Variants in PIBF1 observed in about 807,000 individuals in gnomAD.
PIBF1 encodes the protein progesterone-induced-blocking factor 1.
A neutral mutation model predicts 112.5 loss-of-function variants in PIBF1; 90 were observed. The ratio of observed to expected loss-of-function variants is 0.80; its 90% CI spans 0.67 to 0.95. The LOEUF (loss-of-function observed/expected upper bound fraction) is 0.95, where lower values mean the gene tolerates loss of function less well. PIBF1 is among the 40% of genes least tolerant of loss of function. PIBF1 has a pLI of 0.00. For missense variants in PIBF1, 915 were observed against 852.3 expected, an observed-to-expected ratio of 1.07 and a Z score of -0.92; for synonymous variants, 301 against 288.6, an observed-to-expected ratio of 1.04 and a Z score of -0.44.
At chr13:73,015,250 C>A (rs1314161471) in intron 17 of PIBF1, among the ~76,000 whole-genome samples, 1 of 152,166 alleles carries the variant, frequency 6.6e-6, no homozygotes, top group Non-Finnish European at 1.5e-5. Context: ...CCTCAACCTC[C>A]CAAAGTCCTG....
At position 73,015,979 on chromosome 13, in the gene PIBF1, G is replaced by A; in HGVS notation, c.*60G>A. The A allele has an allele frequency of 9.8e-7, 1 of 1,020,744 alleles. No individual in the cohort carries two copies. The highest frequency in any genetic ancestry group is 2.1e-5 in the South Asian group (1 of 47,916). The allele number at this position is 1,020,744 out of a possible 1,614,324, so 63.2% of individuals were successfully genotyped here. On this transcript the variant is annotated 3_prime_UTR_variant, in exon 18 of 18. Transcript: ENST00000326291. ...TACTCCTGAAGTTCTTTTTCTGATG[G>A]AAAACAAAATTCAGCTTAATCGTGT...
At chr13:72,901,667 AAGAGCG>A (rs1249862269) in intron 11 of PIBF1, among the ~76,000 whole-genome samples, 5 of 151,822 alleles carry the variant, frequency 3.3e-5, no homozygotes, top group Admixed American at 3.3e-4. Flanking sequence ...CCTGGGTGAC[AAGAGCG>A]AGACTCCTTC....
At chr13:72,802,111 G>GT (rs35299288) in intron 5 of PIBF1, among the ~76,000 whole-genome samples, 263 of 152,244 alleles carry the variant, frequency 1.7e-3, no homozygotes, top group Middle Eastern at 0.017. Context: ...CCAGTCAACA[G>GT]TAGGCTATCT....
chr13:73,001,582 CT>C (rs10645002), intron 17 of PIBF1, among the ~76,000 whole-genome samples: 5 of 29,172 alleles, frequency 1.7e-4, no homozygotes, highest in Non-Finnish European at 3.7e-4. Context: ...AAGAGCTTGA[CT>C]TTTTTTTTTT....
intron 16 of PIBF1, among the ~76,000 whole-genome samples, chr13:72,978,288 A>G (rs549010701): frequency 1.8e-4 from 28 of 152,364 alleles, no homozygotes; most frequent in Admixed American, 1.7e-3. Context: ...CATAAATGAC[A>G]TAATCTAATC....
chr13:72,844,347 T>C (rs1566347541), intron 9 of PIBF1, among the ~76,000 whole-genome samples: 1 of 152,210 alleles, frequency 6.6e-6, no homozygotes, highest in Admixed American at 6.5e-5. Context: ...TCTGTCTTTT[T>C]TTATTATTAT....
chr13:72,973,491 C>G (rs1167607379), intron 15 of PIBF1, 100 bp from the exon 16 acceptor site: 4 of 617,188 alleles, frequency 6.5e-6, no homozygotes, highest in Non-Finnish European at 1.1e-5. Context: ...ATCTTTAGTT[C>G]AAACCATCAG....
chr13:72,787,365 A>G (rs889799685), intron 2 of PIBF1, among the ~76,000 whole-genome samples: 3 of 152,210 alleles, frequency 2.0e-5, no homozygotes, highest in African/African-American at 7.2e-5. Flanking sequence ...CAGTGATTCT[A>G]AAGCTAGTAC....
At chr13:72,950,132 A>C (rs1420065472) in intron 14 of PIBF1, among the ~76,000 whole-genome samples, 1 of 152,196 alleles carries the variant, frequency 6.6e-6, no homozygotes, top group African/African-American at 2.4e-5. Flanking sequence ...TGCCCCTTTG[A>C]GCAATCTTGA....
At chr13:72,844,789 A>ATG (rs2037787537) in intron 9 of PIBF1, among the ~76,000 whole-genome samples, 1 of 119,562 alleles carries the variant, frequency 8.4e-6, no homozygotes, top group African/African-American at 3.8e-5. Flanking sequence ...ACACACACAC[A>ATG]CACACACACA....
At chr13:72,785,078 A>G (rs1288650705) in intron 2 of PIBF1, among the ~76,000 whole-genome samples, 1 of 152,076 alleles carries the variant, frequency 6.6e-6, no homozygotes, top group African/African-American at 2.4e-5. Flanking sequence ...CAATCCCAAC[A>G]GTGAGGGTTC....
chr13:72,840,394 T>G (rs2037553952), intron 9 of PIBF1, among the ~76,000 whole-genome samples: 1 of 152,162 alleles, frequency 6.6e-6, no homozygotes, highest in South Asian at 2.1e-4. Flanking sequence ...ATCTTTTGCT[T>G]TGGCCTGAGA....
At chr13:72,858,854 C>G (rs955137614) in intron 10 of PIBF1, among the ~76,000 whole-genome samples, 2 of 152,120 alleles carry the variant, frequency 1.3e-5, no homozygotes, top group Non-Finnish European at 2.9e-5. Flanking sequence ...AGGGAGTCAA[C>G]AAATACCATC....
chr13:72,873,406 C>CT (rs548463097), intron 10 of PIBF1, among the ~76,000 whole-genome samples: 227 of 151,192 alleles, frequency 1.5e-3, no homozygotes, highest in Non-Finnish European at 2.1e-3. Context: ...AACTTGTTTT[C>CT]TTTTTTTTTG....
At chr13:72,999,493 G>T (rs1266947227) in intron 17 of PIBF1, among the ~76,000 whole-genome samples, 1 of 152,106 alleles carries the variant, frequency 6.6e-6, no homozygotes, top group African/African-American at 2.4e-5. Flanking sequence ...TCTCAATCAT[G>T]CTTTCATTTC....
intron 14 of PIBF1, among the ~76,000 whole-genome samples, chr13:72,931,718 G>GTATATATATATAGATATATATATATA (rs2041704523): frequency 9.8e-6 from 1 of 101,978 alleles, no homozygotes; most frequent in Non-Finnish European, 2.0e-5. Context: ...TTTAAACTAC[G>GTATATATATATAGATATATATATATA]TATATATATA....
intron 16 of PIBF1, among the ~76,000 whole-genome samples, chr13:72,989,561 G>A (rs1300007374): frequency 2.6e-5 from 4 of 152,208 alleles, no homozygotes; most frequent in East Asian, 1.9e-4. Context: ...AGATTGATTA[G>A]TGACAGCTTA....
chr13:72,824,347 C>A (rs994771303), intron 6 of PIBF1, among the ~76,000 whole-genome samples: 1 of 152,120 alleles, frequency 6.6e-6, no homozygotes, highest in African/African-American at 2.4e-5. Flanking sequence ...CAATTCAACA[C>A]TGCAACAGCC....
Position 72,998,984 on chromosome 13 carries a change from C to A in PIBF1, c.2212C>A (p.Pro738Thr). The part of the protein sequence containing the change: ...EHEDNIFTPK[P>T]TLFTKKEAPE... ...TGAAGACAATATATTTACACCTAAA[C>A]CAACACTCTTTGTAAGTACAATTTT... Residue 738 changes from proline (P) to threonine (T), a missense_variant, in exon 17 of 18, where the codon CCA becomes ACA. Pro to Thr is a conservative substitution (Grantham distance 38). Coordinates refer to ENST00000326291, the MANE Select transcript of PIBF1 (RefSeq NM_006346.4). 1 of 1,583,832 alleles carries A rather than the reference C, an allele frequency of 6.3e-7. No homozygotes were observed. Among genetic ancestry groups the A allele is most frequent in the Non-Finnish European group, 8.6e-7 (1 of 1,160,848 alleles).
Sources: gnomAD v4.1 joint callset for allele counts (sites outside exome capture counted in the v4.1 genomes callset) on GRCh38, gnomAD v4.1.1 for gene constraint, MANE v1.5 for transcripts, NCBI Gene and HGNC (gene_info 2026-07-23, HGNC 2026-07-21) for gene names.